The following QRSL1 variants were observed in gnomAD, a reference collection of about 807,000 sequenced individuals.
QRSL1 encodes glutamyl-tRNA(Gln) amidotransferase subunit A, mitochondrial.
QRSL1 carries 54 observed loss-of-function variants against 61.6 expected under a neutral mutation model. The ratio of observed to expected loss-of-function variants is 0.88; its 90% CI spans 0.70 to 1.10. QRSL1 has a LOEUF of 1.10. QRSL1 is among the 50% of genes least tolerant of loss of function. The pLI is 0.00. For missense variants in QRSL1, 505 were observed against 622.6 expected (o/e 0.81, Z 2.01); for synonymous variants, 228 against 225.7 (o/e 1.01, Z -0.09).
chr6:106,652,176 A>T, intron 5 of QRSL1, 33 bp from the exon 6 acceptor site: 1 of 1,560,636 alleles, frequency 6.4e-7, no homozygotes, highest in Non-Finnish European at 8.8e-7. Context: ...GAGATATATC[A>T]TTCTTCTAAA....
intron 1 of QRSL1, among the ~76,000 whole-genome samples, chr6:106,636,521 G>C (rs1001233617): frequency 3.3e-5 from 5 of 151,972 alleles, no homozygotes; most frequent in Admixed American, 6.6e-5. Flanking sequence ...GGGTTTCACC[G>C]TGTTGGCCAG....
intron 3 of QRSL1, among the ~76,000 whole-genome samples, chr6:106,641,990 A>G (rs987057205): frequency 1.3e-5 from 2 of 152,236 alleles, no homozygotes; most frequent in African/African-American, 4.8e-5. Flanking sequence ...TTAAATTAGG[A>G]ATAATTAATA....
In QRSL1 at chr6:106,667,436, A is replaced by T. The variant is rs1156848442; in HGVS notation, c.*1434A>T. ...TGGATTTCTGTGTCTTCACTAGAACACCATTGTCATCTCATATTGATCAGG... is the reference window on the plus strand; with the variant it reads ...TGGATTTCTGTGTCTTCACTAGAACTCCATTGTCATCTCATATTGATCAGG... On this transcript the variant is annotated 3_prime_UTR_variant, in exon 11 of 11. Transcript: ENST00000369046. The T allele has an allele frequency of 3.3e-5, 5 of 152,324 alleles. No homozygotes were observed. The highest frequency in any genetic ancestry group is 1.2e-4 in the African/African-American group (5 of 41,568). 9.4% of individuals were successfully genotyped at this position (152,324 alleles called of 1,614,324 possible). A position where few individuals can be genotyped will look rare whatever the true frequency, so the allele number is the denominator to read the frequency against.
intron 4 of QRSL1, among the ~76,000 whole-genome samples, chr6:106,645,620 AC>A (rs1218875152): frequency 1.3e-5 from 2 of 152,022 alleles, no homozygotes; most frequent in Non-Finnish European, 2.9e-5. Flanking sequence ...ACAGTGTTTC[AC>A]CATATTGGCC....
rs1554200746 is a variant in QRSL1, at chr6:106,639,130, T to TTTTG, written c.25-1216_25-1215insGTTT. On this transcript the variant is annotated intron_variant, in intron 1 of 10. Transcript: ENST00000369046. ...TTGTGTGTTTTGTTGTTTTTTTTTT[T>TTTTG]TTTTTTTTTTTTTTTTGACAGAGTC... Among the ~76,000 whole-genome samples the TTTTG allele has an allele frequency of 2.7e-3, 374 of 140,046 alleles. 3 individuals carry two copies. Among genetic ancestry groups the TTTTG allele is most frequent in the Non-Finnish European group, 4.7e-3 (307 of 65,518 alleles). The allele number at this position is 140,046 out of a possible 152,430, so 91.9% of individuals were successfully genotyped here.
chr6:106,666,158 A>G lies in QRSL1; in HGVS notation c.*156A>G, dbSNP rs1041046610. On this transcript the variant is annotated 3_prime_UTR_variant, in exon 11 of 11. Coordinates refer to ENST00000369046, the MANE Select transcript of QRSL1 (RefSeq NM_018292.5). ...GAAACCCCGTCTCTACTAAAAATAC[A>G]AAAATTAGCCAGGCTTAGTGGCGGG... The G allele has an allele frequency of 2.5e-5, 16 of 640,040 alleles. No individual in the cohort carries two copies. The highest frequency in any genetic ancestry group is 4.3e-5 in the Non-Finnish European group (16 of 374,432). The allele number at this position is 640,040 out of a possible 1,614,324, so 39.6% of individuals were successfully genotyped here.
intron 9 of QRSL1, among the ~76,000 whole-genome samples, chr6:106,658,213 T>C (rs1479691752): frequency 6.6e-6 from 1 of 152,216 alleles, no homozygotes; most frequent in African/African-American, 2.4e-5. Flanking sequence ...ATTTAGTATT[T>C]CTGGTGCTTT....
chr6:106,639,111 GTTTTGT>G (rs1368578531), intron 1 of QRSL1, among the ~76,000 whole-genome samples: 1 of 60,750 alleles, frequency 1.6e-5, no homozygotes, highest in African/African-American at 6.7e-5. Context: ...TTATTTGTGT[GTTTTGT>G]TGTTTTTTTT....
At chr6:106,650,659 T>C (rs555040342) in intron 5 of QRSL1, among the ~76,000 whole-genome samples, 1 of 152,318 alleles carries the variant, frequency 6.6e-6, no homozygotes, top group African/African-American at 2.4e-5. Flanking sequence ...CACTATGCAA[T>C]GACATGGAAA....
At chr6:106,661,218 C>A (rs1163473653) in intron 9 of QRSL1, among the ~76,000 whole-genome samples, 1 of 152,024 alleles carries the variant, frequency 6.6e-6, no homozygotes, top group African/African-American at 2.4e-5. Context: ...TCAAGAGATT[C>A]TCCTCCTGCC....
intron 9 of QRSL1, among the ~76,000 whole-genome samples, chr6:106,660,548 A>G (rs1716878959): frequency 6.7e-6 from 1 of 150,134 alleles, no homozygotes; most frequent in Non-Finnish European, 1.5e-5. Context: ...GAAAATGGTC[A>G]TTTCATATAT....
intron 9 of QRSL1, among the ~76,000 whole-genome samples, chr6:106,659,694 T>A (rs1777326400): frequency 6.6e-6 from 1 of 152,236 alleles, no homozygotes; most frequent in African/African-American, 2.4e-5. Flanking sequence ...GCAATAAAGG[T>A]GCTTGGAATT....
rs527403022 is a variant in QRSL1, at chr6:106,646,001, C to T, written c.380+2911C>T. 1.8e-4 allele frequency among the ~76,000 whole-genome samples: 27 copies of T among 152,292 alleles called. No individual in the cohort carries two copies. The South Asian group carries it at 4.6e-3, about 26-fold the overall frequency. On this transcript the variant is annotated intron_variant, in intron 4 of 10. Transcript: ENST00000369046. ...GAATAGAAGTGGTGAGAGCAGATTT[C>T]CTTGCCTTGATCTTGATCTTAGGGA...
intron 4 of QRSL1, among the ~76,000 whole-genome samples, chr6:106,644,878 A>G (rs569575932): frequency 1.5e-4 from 23 of 152,326 alleles, no homozygotes; most frequent in Non-Finnish European, 3.2e-4. Flanking sequence ...TTATAGTCTT[A>G]GCTCTTACAT....
rs1331009419 is a variant in QRSL1, at chr6:106,655,637, G to A, written c.1065G>A (p.Val355=). The change falls in exon 9 of 11, where the codon GTG becomes GTA. Residue 355 remains valine, a synonymous_variant. Transcript: ENST00000369046. ...CAGGTCACAGATGTGACATTGATGT[G>A]TCCACTGAAGCCATGTATGCTGCAA... is the stretch of plus-strand genomic sequence containing the variant. ...LQYGHRCDID[V]STEAMYAATR... The A allele has an allele frequency of 6.2e-7, 1 of 1,609,114 alleles. No individual in the cohort carries two copies. The highest frequency in any genetic ancestry group is 2.2e-5 in the East Asian group (1 of 44,638).
At chr6:106,648,882 A>G (rs1777153058) in intron 4 of QRSL1, 143 bp from the exon 5 acceptor site, 2 of 701,670 alleles carry the variant, frequency 2.9e-6, no homozygotes. Flanking sequence ...ACATCTGAAC[A>G]GGCTTCCCAC....
intron 1 of QRSL1, among the ~76,000 whole-genome samples, chr6:106,631,678 A>T (rs1776836024): frequency 1.3e-5 from 2 of 152,164 alleles, no homozygotes; most frequent in African/African-American, 4.8e-5. Context: ...AAAAATTTTA[A>T]TGGGTACATA....
chr6:106,631,376 T>C (rs1262182729), intron 1 of QRSL1, among the ~76,000 whole-genome samples: 1 of 152,210 alleles, frequency 6.6e-6, no homozygotes, highest in Non-Finnish European at 1.5e-5. Context: ...AAAGAAAATA[T>C]TTATTTTGGA....
intron 5 of QRSL1, 142 bp from the exon 6 acceptor site, chr6:106,652,067 T>C (rs1475480706): frequency 2.4e-6 from 2 of 839,788 alleles, no homozygotes; most frequent in African/African-American, 1.7e-5. Flanking sequence ...TTCTGTACTT[T>C]ATGAATTCTC....
Sources: allele counts gnomAD v4.1 joint callset (sites outside exome capture counted in the v4.1 genomes callset), GRCh38; gene constraint gnomAD v4.1.1; transcripts MANE v1.5; gene names NCBI Gene and HGNC (gene_info 2026-07-23, HGNC 2026-07-21).